The following OSBP2 variants were observed in gnomAD, a reference collection of about 807,000 sequenced individuals.
The protein encoded by OSBP2 is oxysterol-binding protein 2.
OSBP2 carries 66 observed loss-of-function variants against 96.0 expected under a neutral mutation model. The observed-to-expected ratio is 0.69, with a 90% CI of 0.56 to 0.84. The LOEUF is 0.84. OSBP2 is among the 40% of genes least tolerant of loss of function. The pLI, the probability that OSBP2 is intolerant of heterozygous loss-of-function variation, is 0.00. For synonymous variants in OSBP2, 525 were observed against 520.9 expected (o/e 1.01, Z -0.11); for missense variants, 1,038 against 1,222.7 (o/e 0.85, Z 2.25).
At chr22:30,710,534 A>T (rs1225785573) in intron 1 of OSBP2, among the ~76,000 whole-genome samples, 2 of 151,680 alleles carry the variant, frequency 1.3e-5, no homozygotes, top group Non-Finnish European at 2.9e-5. Flanking sequence ...CCCTGATAGA[A>T]TTAGTGTTTA....
At chr22:30,852,833 T>C (rs2039001368) in intron 2 of OSBP2, among the ~76,000 whole-genome samples, 1 of 152,210 alleles carries the variant, frequency 6.6e-6, no homozygotes, top group African/African-American at 2.4e-5. Flanking sequence ...GTTGTATTTT[T>C]TTATCTTTCA....
At position 30,742,848 on chromosome 22, in the gene OSBP2, T is replaced by C. The variant is rs1003101142; in HGVS notation, c.853+1479T>C. ...CACATGTGAGTATAAATGAAACTTA[T>C]GTTCCAGGAAGCCGGCTTGCTGGGT... On this transcript the variant is annotated intron_variant, in intron 2 of 13. Transcript: ENST00000332585. Among the ~76,000 whole-genome samples the C allele has an allele frequency of 3.9e-5, 6 of 152,204 alleles. 1 individual carries two copies. The highest frequency in any genetic ancestry group is 2.0e-4 in the Admixed American group (3 of 15,282).
chr22:30,809,468 A>G (rs2090977291), intron 2 of OSBP2, among the ~76,000 whole-genome samples: 1 of 152,156 alleles, frequency 6.6e-6, no homozygotes, highest in Non-Finnish European at 1.5e-5. Context: ...GAAGGCTCAT[A>G]CCCCATGTTC....
chr22:30,768,251 CA>C lies in OSBP2; in HGVS notation c.853+26884del, dbSNP rs529286942. 1.9e-3 allele frequency among the ~76,000 whole-genome samples: 295 copies of C among 152,264 alleles called. 1 individual carries two copies. The highest frequency in any genetic ancestry group is 6.6e-3 in the African/African-American group (274 of 41,528). On this transcript the variant is annotated intron_variant, in intron 2 of 13. Transcript: ENST00000332585. Reference sequence around the variant, plus strand: ...CCTCATGGGACTTTAGCCTGCCACCCAAGCCCAGGAGCCAGCCCAGAAGTGG... The same window carrying C: ...CCTCATGGGACTTTAGCCTGCCACCCAGCCCAGGAGCCAGCCCAGAAGTGG...
intron 2 of OSBP2, among the ~76,000 whole-genome samples, chr22:30,786,968 T>A (rs2090598849): frequency 6.6e-6 from 1 of 151,962 alleles, no homozygotes; most frequent in South Asian, 2.1e-4. Context: ...CAGGCTAATT[T>A]TTTGTATTTT....
intron 2 of OSBP2, among the ~76,000 whole-genome samples, chr22:30,852,587 G>A (rs1312429862): frequency 6.6e-6 from 1 of 151,750 alleles, no homozygotes. Flanking sequence ...TCAAAGAAAA[G>A]CTTCTCAAAG....
intron 3 of OSBP2, among the ~76,000 whole-genome samples, chr22:30,873,488 C>G (rs547326923): frequency 6.6e-6 from 1 of 152,292 alleles, no homozygotes; most frequent in East Asian, 1.9e-4. Context: ...ATGGAAGCCA[C>G]GCACCGCAGT....
chr22:30,898,907 AAAAAC>A (rs1284330845), intron 12 of OSBP2, among the ~76,000 whole-genome samples: 8 of 151,242 alleles, frequency 5.3e-5, no homozygotes, highest in African/African-American at 1.7e-4. Context: ...AATCAATTAA[AAAAAC>A]AAAGCCAAAA....
At chr22:30,702,042 C>G (rs117256040) in intron 1 of OSBP2, among the ~76,000 whole-genome samples, 1,984 of 152,254 alleles carry the variant, frequency 0.013, 55 homozygotes, top group South Asian at 0.12. Flanking sequence ...CCTGCCTCCC[C>G]CTCCTAACTC....
chr22:30,696,492 G>A lies in OSBP2; in HGVS notation c.644+939G>A, dbSNP rs538944263. ...ATTCGGATTTTCTAATAACTTCCCA[G>A]GCGTGGCTGGTGATGCTGGTCCAGG... On this transcript the variant is annotated intron_variant, in intron 1 of 13. Coordinates refer to ENST00000332585, the MANE Select transcript of OSBP2 (RefSeq NM_030758.4). Among the ~76,000 whole-genome samples, 21 of 152,272 alleles carry A rather than the reference G, an allele frequency of 1.4e-4. No individual in the cohort carries two copies. In the South Asian group the frequency reaches 3.9e-3, roughly 29 times the overall value.
At chr22:30,845,031 A>G (rs1171858348) in intron 2 of OSBP2, among the ~76,000 whole-genome samples, 1 of 152,228 alleles carries the variant, frequency 6.6e-6, no homozygotes, top group Non-Finnish European at 1.5e-5. Context: ...TACAACATTT[A>G]TTGATTAAGT....
chr22:30,898,698 G>A (rs555754572), intron 12 of OSBP2, among the ~76,000 whole-genome samples: 10 of 151,878 alleles, frequency 6.6e-5, no homozygotes, highest in Admixed American at 3.9e-4. Flanking sequence ...CCTCCCACCC[G>A]GTCCCTCCCC....
chr22:30,788,302 C>T (rs1037375477), intron 2 of OSBP2, among the ~76,000 whole-genome samples: 16 of 152,072 alleles, frequency 1.1e-4, no homozygotes, highest in Non-Finnish European at 1.9e-4. Context: ...TCCCCAGTGC[C>T]ATGTTAATCA....
chr22:30,809,692 G>T lies in OSBP2; in HGVS notation c.854-60737G>T, dbSNP rs538807426. ...TATCAGGGAGCCATGGAAGAGAAAT[G>T]ACAGGGAGCAGATGGTAATTTCAGT... On this transcript the variant is annotated intron_variant, in intron 2 of 13. Transcript: ENST00000332585. Among the ~76,000 whole-genome samples, 11 of 152,322 alleles carry T rather than the reference G, an allele frequency of 7.2e-5. No homozygotes were observed. In the South Asian group the frequency reaches 1.5e-3, roughly 20 times the overall value.
rs2089883710 is a variant in OSBP2 at position 30,738,154 on chromosome 22, C to T, written c.645-3007C>T. ...TTGCTTCATTTTTCTCTCATTTGCT[C>T]TCTTGTTGTTGGCACTCTGGCCAAA... On this transcript the variant is annotated intron_variant, in intron 1 of 13. Transcript: ENST00000332585. Among the ~76,000 whole-genome samples the T allele has an allele frequency of 3.3e-5, 5 of 150,666 alleles. No homozygotes were observed. In the South Asian group the frequency reaches 1.0e-3, roughly 32 times the overall value.
At chr22:30,737,501 T>TG (rs2089873942) in intron 1 of OSBP2, among the ~76,000 whole-genome samples, 1 of 150,936 alleles carries the variant, frequency 6.6e-6, no homozygotes, top group East Asian at 2.0e-4. Context: ...TAAAAAAAAT[T>TG]TTTTTTTGTA....
upstream of OSBP2, chr22:30,694,275 G>A: frequency 1.9e-6 from 3 of 1,549,912 alleles, no homozygotes. Flanking sequence ...GCTGGCTCAG[G>A]AGGTGGAGGC....
chr22:30,833,072 C>CAAG (rs2038561760), intron 2 of OSBP2, among the ~76,000 whole-genome samples: 1 of 152,158 alleles, frequency 6.6e-6, no homozygotes, highest in Non-Finnish European at 1.5e-5. Context: ...GAGAAGGATT[C>CAAG]AGTCACCCAT....
chr22:30,905,279 T>C (rs568405845), intron 12 of OSBP2, among the ~76,000 whole-genome samples: 1 of 151,300 alleles, frequency 6.6e-6, no homozygotes, highest in South Asian at 2.1e-4. Context: ...CCTGAGTAGA[T>C]TACCTGGGAT....
Sources: gnomAD v4.1 joint callset for allele counts (sites outside exome capture counted in the v4.1 genomes callset) on GRCh38, gnomAD v4.1.1 for gene constraint, MANE v1.5 for transcripts, NCBI Gene and HGNC (gene_info 2026-07-23, HGNC 2026-07-21) for gene names.